ZNF827: variants seen among roughly 807,000 people sequenced by gnomAD.
ZNF827 encodes the protein zinc finger protein 827.
In ZNF827, 13 loss-of-function variants were observed where a neutral mutation model predicts 102.4. That is an observed-to-expected ratio of 0.13 (90% CI 0.08 to 0.20). The LOEUF is 0.20. Among genes scored for constraint, ZNF827 ranks in the 10% least tolerant of loss-of-function variants. The pLI, the probability that ZNF827 is intolerant of heterozygous loss-of-function variation, is 1.00. For missense variants in ZNF827, 1,103 were observed against 1,344.4 expected, an observed-to-expected ratio of 0.82 and a Z score of 2.81; for synonymous variants, 523 against 536.2, an observed-to-expected ratio of 0.98 and a Z score of 0.34.
At chr4:145,883,958 T>C (rs1247712654) in intron 4 of ZNF827, among the ~76,000 whole-genome samples, 1 of 152,158 alleles carries the variant, frequency 6.6e-6, no homozygotes, top group Non-Finnish European at 1.5e-5. Context: ...TGAAAACATG[T>C]ATTTTCCCCA....
intron 1 of ZNF827, among the ~76,000 whole-genome samples, chr4:145,903,632 A>G (rs1223138054): frequency 6.6e-6 from 1 of 152,214 alleles, no homozygotes; most frequent in Admixed American, 6.5e-5. Flanking sequence ...AGACCGTGAG[A>G]CACAGACAGT....
At chr4:145,931,639 T>C (rs1054067412) in intron 1 of ZNF827, among the ~76,000 whole-genome samples, 1 of 152,202 alleles carries the variant, frequency 6.6e-6, no homozygotes, top group Admixed American at 6.5e-5. Flanking sequence ...TACCAATACA[T>C]CACTCAGAAT....
At chr4:145,879,401 C>G (rs1414916011) in intron 4 of ZNF827, among the ~76,000 whole-genome samples, 1 of 152,166 alleles carries the variant, frequency 6.6e-6, no homozygotes, top group Non-Finnish European at 1.5e-5. Context: ...ATAATAACAA[C>G]AGTAGTAAAA....
chr4:145,870,368 C>T lies in ZNF827; in HGVS notation c.1858G>A (p.Glu620Lys). 6.2e-7 allele frequency: 1 copy of T among 1,614,144 alleles called. No individual in the cohort carries two copies. Among genetic ancestry groups the T allele is most frequent in the Non-Finnish European group, 8.5e-7 (1 of 1,180,028 alleles). The change falls in exon 5 of 15, where the codon GAA (glutamate) becomes AAA (lysine). Residue 620 changes from glutamate to lysine, a missense_variant. Transcript: ENST00000508784. ...LPRSSYVFSP[E>K]SEVSAPGVSE... ...ACGCCTGGGGCTGACACTTCAGATT[C>T]CGGGCTGAACACATAGCTGGACCGA...
At chr4:145,914,279 C>T (rs1383489504) in intron 1 of ZNF827, among the ~76,000 whole-genome samples, 1 of 152,142 alleles carries the variant, frequency 6.6e-6, no homozygotes, top group Non-Finnish European at 1.5e-5. Flanking sequence ...TTATTTAGTG[C>T]TTAAATACGT....
chr4:145,778,340 G>A (rs1737417024), intron 9 of ZNF827, among the ~76,000 whole-genome samples: 1 of 152,180 alleles, frequency 6.6e-6, no homozygotes, highest in Non-Finnish European at 1.5e-5. Context: ...CACCACTTTG[G>A]CCAGGCTGGT....
intron 5 of ZNF827, among the ~76,000 whole-genome samples, chr4:145,864,868 A>C (rs1039416412): frequency 6.6e-6 from 1 of 152,188 alleles, no homozygotes; most frequent in Non-Finnish European, 1.5e-5. Context: ...AAGGAGGCAA[A>C]TGTGAGAAGG....
intron 4 of ZNF827, among the ~76,000 whole-genome samples, chr4:145,870,933 G>A (rs776202317): frequency 8.5e-5 from 13 of 152,232 alleles, no homozygotes; most frequent in South Asian, 6.2e-4. Flanking sequence ...GTAAAGTGAG[G>A]ATGGAGAATT....
rs1002780903 is a variant in ZNF827, at chr4:145,892,493, GC to G, written c.1094-79del. The G allele has an allele frequency of 6.5e-6, 9 of 1,374,338 alleles. No individual in the cohort carries two copies. In the African/African-American group the frequency reaches 1.2e-4, roughly 18 times the overall value. 85.1% of individuals were successfully genotyped at this position (1,374,338 alleles called of 1,614,324 possible). On this transcript the variant is annotated intron_variant, in intron 2 of 14. Coordinates refer to ENST00000508784, the MANE Select transcript of ZNF827 (RefSeq NM_001306215.2). ...CATCTGGCATTAATTCACATACACT[GC>G]CATATAAAAAGCACTAAAAATGATT... is the stretch of plus-strand genomic sequence containing the variant.
chr4:145,924,903 G>A (rs955574335), intron 1 of ZNF827, among the ~76,000 whole-genome samples: 1 of 152,036 alleles, frequency 6.6e-6, no homozygotes, highest in African/African-American at 2.4e-5. Context: ...ATTTTGCCCT[G>A]TTTTGGTTAA....
chr4:145,817,343 G>T (rs1742686608), intron 8 of ZNF827, among the ~76,000 whole-genome samples: 1 of 152,116 alleles, frequency 6.6e-6, no homozygotes, highest in Admixed American at 6.5e-5. Context: ...AAGGAGTCTG[G>T]GCTAAAATTA....
intron 8 of ZNF827, among the ~76,000 whole-genome samples, chr4:145,785,225 TC>T (rs1464132587): frequency 1.3e-5 from 2 of 152,154 alleles, no homozygotes; most frequent in Non-Finnish European, 2.9e-5. Flanking sequence ...CTGAGGCCTA[TC>T]ATCCATAATG....
chr4:145,861,440 T>G (rs1747720567), intron 5 of ZNF827, among the ~76,000 whole-genome samples: 1 of 152,156 alleles, frequency 6.6e-6, no homozygotes, highest in Non-Finnish European at 1.5e-5. Context: ...ACTCAAATAT[T>G]TGCAACCACA....
chr4:145,898,310 C>T (rs1218989032), intron 2 of ZNF827, among the ~76,000 whole-genome samples: 1 of 152,150 alleles, frequency 6.6e-6, no homozygotes, highest in Non-Finnish European at 1.5e-5. Context: ...TATTGACCCA[C>T]AGGAAATATT....
At chr4:145,827,133 G>C (rs1276277272) in intron 7 of ZNF827, among the ~76,000 whole-genome samples, 1 of 152,172 alleles carries the variant, frequency 6.6e-6, no homozygotes, top group East Asian at 1.9e-4. Flanking sequence ...GGAGACTTAG[G>C]CACAAAGAAG....
chr4:145,926,649 T>C (rs1440810909), intron 1 of ZNF827, among the ~76,000 whole-genome samples: 1 of 152,218 alleles, frequency 6.6e-6, no homozygotes, highest in Non-Finnish European at 1.5e-5. Context: ...GGGACTTTCA[T>C]ACTTAAGCAT....
At chr4:145,774,866 G>C (rs1329269682) in intron 10 of ZNF827, among the ~76,000 whole-genome samples, 194 bp from the exon 11 acceptor site, 1 of 152,204 alleles carries the variant, frequency 6.6e-6, no homozygotes, top group African/African-American at 2.4e-5. Context: ...CTGTGCCAAA[G>C]AGACTAAGGG....
At position 145,787,609 on chromosome 4, in the gene ZNF827, T is replaced by A. The variant is rs116231655; in HGVS notation, c.2384-8098A>T. Among the ~76,000 whole-genome samples the A allele has an allele frequency of 2.3e-3, 353 of 152,296 alleles. 2 individuals are homozygous for A. Among genetic ancestry groups the A allele is most frequent in the African/African-American group, 8.1e-3 (336 of 41,562 alleles). On this transcript the variant is annotated intron_variant, in intron 8 of 14. Transcript: ENST00000508784. ...AACCTCCAATGCTTAACAAACTTAG[T>A]AAAGTAGAATTTTGCATTACTACTT...
chr4:145,918,415 TA>T (rs1030065321), intron 1 of ZNF827, among the ~76,000 whole-genome samples: 22 of 121,044 alleles, frequency 1.8e-4, no homozygotes, highest in Non-Finnish European at 2.6e-4. Context: ...TCTTTATATA[TA>T]AAAAAAAAAA....
Sources: allele counts gnomAD v4.1 joint callset (sites outside exome capture counted in the v4.1 genomes callset), GRCh38; gene constraint gnomAD v4.1.1; transcripts MANE v1.5; gene names NCBI Gene and HGNC (gene_info 2026-07-23, HGNC 2026-07-21).